Variants in RANBP10 observed in about 807,000 individuals in gnomAD.
RANBP10 encodes the protein RAN binding protein 10.
RANBP10 carries 24 observed loss-of-function variants against 72.8 expected under a neutral mutation model. The ratio of observed to expected loss-of-function variants is 0.33; its 90% CI spans 0.24 to 0.46. RANBP10 has a LOEUF of 0.46. Among genes scored for constraint, RANBP10 ranks in the 20% least tolerant of loss-of-function variants. The probability of loss-of-function intolerance (pLI) is 1.00; values close to 1 mark genes in which losing one functional copy is unlikely to be tolerated. For missense variants in RANBP10, 679 were observed against 817.5 expected (o/e 0.83, Z 2.07); for synonymous variants, 310 against 322.3 (o/e 0.96, Z 0.41).
rs748317748 is a variant in RANBP10, at chr16:67,729,431, T to A, written c.1201A>T (p.Asn401Tyr). The change falls in exon 10 of 14, where the codon AAC becomes TAC. Residue 401 changes from asparagine to tyrosine, a missense_variant. Asn to Tyr is a moderately radical substitution (Grantham distance 143). Transcript: ENST00000317506. This position sits in a 1 kb window ranked among gnomAD's most constrained non-coding sequence, Gnocchi z 7.1. ...NGVASTKSKQ[N>Y]HSKYPAPSSS... ...CTGGGTGCAGGGTATTTACTGTGGT[T>A]CTGTTTGCTCTTGGTGGACGCGACG... The A allele has an allele frequency of 1.9e-6, 3 of 1,613,444 alleles. 1 individual carries two copies. In the South Asian group the frequency reaches 3.3e-5, roughly 18 times the overall value.
At chr16:67,792,970 GT>G (rs2055056406) in intron 2 of RANBP10, among the ~76,000 whole-genome samples, 1 of 151,946 alleles carries the variant, frequency 6.6e-6, no homozygotes, top group African/African-American at 2.4e-5. Context: ...CCCTAGGCAG[GT>G]TACACATCCT....
chr16:67,760,288 C>T (rs2054371211), intron 3 of RANBP10, among the ~76,000 whole-genome samples: 1 of 152,214 alleles, frequency 6.6e-6, no homozygotes, highest in Non-Finnish European at 1.5e-5. Flanking sequence ...TTGCTTGCCA[C>T]TCAGGCAGGG....
chr16:67,749,400 G>T (rs1013203726), intron 3 of RANBP10, among the ~76,000 whole-genome samples: 1 of 152,192 alleles, frequency 6.6e-6, no homozygotes, highest in African/African-American at 2.4e-5. Context: ...CCTCAGCCCT[G>T]CTGGTGCCTC....
At chr16:67,799,093 G>A (rs979879825) in intron 2 of RANBP10, among the ~76,000 whole-genome samples, 2 of 150,476 alleles carry the variant, frequency 1.3e-5, no homozygotes, top group African/African-American at 4.9e-5. Context: ...TATTATTAGC[G>A]CCTGGCTAAT....
intron 3 of RANBP10, among the ~76,000 whole-genome samples, chr16:67,769,745 CAAAAAAAAAAAAAAAAAAAAA>C (rs58319144): frequency 3.6e-5 from 1 of 27,724 alleles, no homozygotes; most frequent in African/African-American, 9.9e-5. Flanking sequence ...GACTCCGTCT[CAAAAAAAAAAAAAAAAAAAAA>C]AAAAAAAAAA....
chr16:67,766,779 G>T (rs902277193), intron 3 of RANBP10, among the ~76,000 whole-genome samples: 12 of 152,102 alleles, frequency 7.9e-5, no homozygotes, highest in African/African-American at 2.7e-4. Context: ...CCCTGAGAGG[G>T]GTGCCCTTTA....
intron 7 of RANBP10, 164 bp downstream of exon 7, chr16:67,731,308 G>A: frequency 3.3e-6 from 2 of 599,036 alleles, no homozygotes; most frequent in Non-Finnish European, 6.0e-6. Flanking sequence ...CATCTGGGCA[G>A]TGCCATCTTG....
At chr16:67,743,367 G>A (rs965742992) in intron 4 of RANBP10, among the ~76,000 whole-genome samples, 22 of 68,766 alleles carry the variant, frequency 3.2e-4, no homozygotes, top group Admixed American at 2.5e-3. Context: ...TGTGTAGATC[G>A]GGGACTTCTG....
intron 2 of RANBP10, among the ~76,000 whole-genome samples, chr16:67,774,627 T>C (rs1048174046): frequency 6.6e-5 from 10 of 152,090 alleles, no homozygotes; most frequent in Admixed American, 2.6e-4. Flanking sequence ...ACACCCACAT[T>C]TGGGCACCAT....
chr16:67,756,828 C>T (rs1365435475), intron 3 of RANBP10, among the ~76,000 whole-genome samples: 2 of 152,188 alleles, frequency 1.3e-5, no homozygotes, highest in Non-Finnish European at 1.5e-5. Context: ...CAGAAAGACT[C>T]GAGCTCGAAT....
intron 2 of RANBP10, among the ~76,000 whole-genome samples, chr16:67,773,488 G>A (rs1409295608): frequency 6.6e-6 from 1 of 152,192 alleles, no homozygotes; most frequent in African/African-American, 2.4e-5. Flanking sequence ...TTTATTGGCA[G>A]TAAATGCCCT....
intron 2 of RANBP10, among the ~76,000 whole-genome samples, chr16:67,785,029 G>A (rs1285990247): frequency 1.3e-5 from 2 of 151,614 alleles, no homozygotes; most frequent in African/African-American, 2.4e-5. Context: ...GGCCAACATG[G>A]TGAAACCCCA....
At chr16:67,743,217 G>T (rs1426337250) in intron 4 of RANBP10, among the ~76,000 whole-genome samples, 1 of 152,224 alleles carries the variant, frequency 6.6e-6, no homozygotes, top group East Asian at 1.9e-4. Context: ...GACCCTCAAG[G>T]CAAGGGAAAT....
In RANBP10 at chr16:67,729,876, C is replaced by CCACCTGTGGTGGTGT; in HGVS notation, c.999-49_999-48insACACCACCACAGGTG. 6.2e-7 allele frequency: 1 copy of CCACCTGTGGTGGTGT among 1,613,340 alleles called. No individual in the cohort carries two copies. The highest frequency in any genetic ancestry group is 8.5e-7 in the Non-Finnish European group (1 of 1,179,830). ...ATGCTCTGGTTGTGGTCCAGGTTGA[C>CCACCTGTGGTGGTGT]GTTCCCACCACCAGCTGAGAGGGGC... On this transcript the variant is annotated intron_variant, in intron 8 of 13. Transcript: ENST00000317506. The surrounding 1 kb of genome is among the most constrained non-coding windows in gnomAD (Gnocchi z 7.1).
At position 67,730,594 on chromosome 16, in the gene RANBP10, C is replaced by A. The variant is rs956455205; in HGVS notation, c.890-548G>T. 1.3e-5 allele frequency among the ~76,000 whole-genome samples: 2 copies of A among 152,190 alleles called. No individual in the cohort carries two copies. Among genetic ancestry groups the A allele is most frequent in the East Asian group, 1.9e-4 (1 of 5,192 alleles). ...GCACCTCTGATGTTGACACCTCTCACGCCATCAGCATCTTGCTGCTGCCTT... is the reference window on the plus strand; with the variant it reads ...GCACCTCTGATGTTGACACCTCTCAAGCCATCAGCATCTTGCTGCTGCCTT... On this transcript the variant is annotated intron_variant, in intron 7 of 13. Coordinates refer to ENST00000317506, the MANE Select transcript of RANBP10 (RefSeq NM_020850.3). The surrounding 1 kb of genome is among the most constrained non-coding windows in gnomAD (Gnocchi z 4.3).
rs2053807075 is a variant in RANBP10, at chr16:67,734,808, G to A, written c.776+50C>T. The stretch of plus-strand genomic sequence containing the variant: ...TAGCCCTACAGGGGCCTAGAGTGAA[G>A]TGGGCTGGGGTGGGGTGGGAGTGGG... On this transcript the variant is annotated intron_variant, in intron 6 of 13. Transcript: ENST00000317506. 4 of 1,480,324 alleles carry A rather than the reference G, an allele frequency of 2.7e-6. No individual in the cohort carries two copies. In the East Asian group the frequency reaches 9.5e-5, roughly 35 times the overall value. The allele number at this position is 1,480,324 out of a possible 1,614,324, so 91.7% of individuals were successfully genotyped here.
At chr16:67,735,572 A>G (rs898861495) in intron 5 of RANBP10, 2 of 152,368 alleles carry the variant, frequency 1.3e-5, no homozygotes, top group African/African-American at 4.8e-5. Context: ...CTGGGCAACA[A>G]AGTGAGACCC....
At chr16:67,805,321 C>G (rs2055346946) in intron 2 of RANBP10, 107 bp downstream of exon 2, 2 of 932,542 alleles carry the variant, frequency 2.1e-6, no homozygotes, top group Non-Finnish European at 3.3e-6. Context: ...CAGACCCATG[C>G]GGCTCCCCAG....
rs148246920 is a variant in RANBP10 at position 67,726,521 on chromosome 16, G to A, written c.1770C>T (p.Leu590=). Residue 590 remains leucine (L), a synonymous_variant, in exon 14 of 14, where the codon CTC becomes CTT. Coordinates refer to ENST00000317506, the MANE Select transcript of RANBP10 (RefSeq NM_020850.3). ...QNLPKQPPLM[L]ALGQASECLR... is the part of the protein sequence containing the mutation. ...GACACTCAGATGCCTGGCCCAGGGC[G>A]AGCATCAGAGGGGGCTGCTTTGGCA... The A allele has an allele frequency of 2.9e-4, 449 of 1,573,520 alleles. 2 individuals carry two copies. The highest frequency in any genetic ancestry group is 3.6e-4 in the Non-Finnish European group (420 of 1,159,158).
Sources: gnomAD v4.1 joint callset for allele counts (sites outside exome capture counted in the v4.1 genomes callset) on GRCh38, gnomAD v4.1.1 for gene constraint, Gnocchi (gnomAD v3.1) non-coding constraint, MANE v1.5 for transcripts, NCBI Gene and HGNC (gene_info 2026-07-23, HGNC 2026-07-21) for gene names.